Variants in LMO7 observed in about 807,000 individuals in gnomAD.
LMO7 encodes the protein LIM domain 7, also known as LIM domain only protein 7.
LMO7 carries 120 observed loss-of-function variants against 206.5 expected under a neutral mutation model. That is an observed-to-expected ratio of 0.58 (90% CI 0.50 to 0.68). LMO7 has a LOEUF of 0.68. Ranked by LOEUF, LMO7 falls within the 30% of genes least tolerant of loss-of-function variation. The pLI, the probability that LMO7 is intolerant of heterozygous loss-of-function variation, is 0.00. For missense variants in LMO7, 1,959 were observed against 1,957.9 expected (o/e 1.00, Z -0.01); for synonymous variants, 706 against 681.5 (o/e 1.04, Z -0.56).
chr13:75,804,679 C>G, intron 8 of LMO7, 138 bp downstream of exon 8: 3 of 1,171,838 alleles, frequency 2.6e-6, no homozygotes, highest in Non-Finnish European at 3.5e-6. Flanking sequence ...ATTTTTCATC[C>G]CTCTATTTTT....
At chr13:75,757,283 C>T (rs943485045) in intron 3 of LMO7, among the ~76,000 whole-genome samples, 2 of 152,156 alleles carry the variant, frequency 1.3e-5, no homozygotes, top group Non-Finnish European at 2.9e-5. Context: ...TCATGGCTGA[C>T]ATCTCAATTA....
At chr13:75,835,494 T>TA (rs1419395284) in intron 18 of LMO7, among the ~76,000 whole-genome samples, 155 bp downstream of exon 18, 1 of 152,212 alleles carries the variant, frequency 6.6e-6, no homozygotes, top group Non-Finnish European at 1.5e-5. Context: ...AGAGATACAG[T>TA]AAAATATATT....
chr13:75,667,153 C>A (rs1183683782), intron 1 of LMO7, among the ~76,000 whole-genome samples: 2 of 152,038 alleles, frequency 1.3e-5, no homozygotes, highest in African/African-American at 2.4e-5. Context: ...TCAATGTACT[C>A]TGGTATGTAA....
chr13:75,808,535 AG>A (rs1403619982), intron 10 of LMO7, among the ~76,000 whole-genome samples: 1 of 152,040 alleles, frequency 6.6e-6, no homozygotes, highest in Non-Finnish European at 1.5e-5. Flanking sequence ...GTCTGGTTAT[AG>A]TTTGGTTTTA....
intron 1 of LMO7, among the ~76,000 whole-genome samples, chr13:75,687,237 G>T (rs939654123): frequency 1.3e-5 from 2 of 152,166 alleles, no homozygotes; most frequent in African/African-American, 4.8e-5. Context: ...GACTGTATTA[G>T]TGTCAGTTTT....
At chr13:75,715,244 G>T (rs899878201) in intron 2 of LMO7, among the ~76,000 whole-genome samples, 1 of 152,190 alleles carries the variant, frequency 6.6e-6, no homozygotes, top group Admixed American at 6.5e-5. Context: ...AGCCTGAAAA[G>T]ATCTGCATAG....
At chr13:75,836,491 A>G (rs1270997383) in intron 19 of LMO7, 34 bp downstream of exon 19, 3 of 1,066,136 alleles carry the variant, frequency 2.8e-6, no homozygotes, top group Non-Finnish European at 4.1e-6. Context: ...CATTTATAAT[A>G]CAGGAAAAGA....
intron 1 of LMO7, among the ~76,000 whole-genome samples, chr13:75,673,434 T>C (rs547847524): frequency 6.6e-6 from 1 of 152,300 alleles, no homozygotes; most frequent in South Asian, 2.1e-4. Flanking sequence ...AGGGACAGGC[T>C]GCTGGCATAA....
chr13:75,789,327 T>C (rs2052915532), intron 4 of LMO7, among the ~76,000 whole-genome samples: 1 of 152,104 alleles, frequency 6.6e-6, no homozygotes, highest in South Asian at 2.1e-4. Context: ...AGAATTCAAC[T>C]CCTAGGAGGT....
chr13:75,648,294 G>C (rs1316101697), intron 1 of LMO7, among the ~76,000 whole-genome samples: 3 of 152,020 alleles, frequency 2.0e-5, no homozygotes, highest in African/African-American at 7.2e-5. Context: ...GAATTAAAAG[G>C]TATTATTATT....
chr13:75,747,564 G>A (rs1320270327), intron 3 of LMO7, among the ~76,000 whole-genome samples: 12 of 152,086 alleles, frequency 7.9e-5, no homozygotes, highest in African/African-American at 2.2e-4. Flanking sequence ...CTCATGAGAC[G>A]AGCATTATCA....
At chr13:75,805,850 A>G (rs2055383057) in intron 9 of LMO7, 90 bp downstream of exon 9, 2 of 1,327,386 alleles carry the variant, frequency 1.5e-6, no homozygotes, top group Non-Finnish European at 2.1e-6. Flanking sequence ...ATAATAAGAG[A>G]GACAGAGAAA....
intron 9 of LMO7, 144 bp from the exon 10 acceptor site, chr13:75,807,336 T>C: frequency 1.3e-6 from 1 of 747,906 alleles, no homozygotes; most frequent in Admixed American, 2.9e-5. Context: ...CTAGCAAGAG[T>C]CCCCACAATG....
chr13:75,743,062 T>C (rs1470583357), intron 3 of LMO7, among the ~76,000 whole-genome samples: 3 of 152,062 alleles, frequency 2.0e-5, no homozygotes, highest in Non-Finnish European at 2.9e-5. Context: ...GCAAAGGACA[T>C]GGGCAGACAC....
rs369449532 is a variant in LMO7, at chr13:75,833,137, T to C, written c.3036T>C (p.Pro1012=). 20 of 1,604,772 alleles carry C rather than the reference T, an allele frequency of 1.2e-5. No homozygotes were observed. The highest frequency in any genetic ancestry group is 1.7e-5 in the Non-Finnish European group (20 of 1,171,720). ...DFGFTIKWDI[P]GIFVASVEAG... Reference sequence around the variant, plus strand: ...GGTTTACAATAAAATGGGATATTCCTGGGATCTTCGTAGCATCAGTTGAAG... The same window carrying C: ...GGTTTACAATAAAATGGGATATTCCCGGGATCTTCGTAGCATCAGTTGAAG... Residue 1012 remains proline, a synonymous_variant, in exon 16 of 31, where the codon CCT becomes CCC. Coordinates refer to ENST00000377534, the MANE Select transcript of LMO7 (RefSeq NM_001306080.2).
intron 15 of LMO7, among the ~76,000 whole-genome samples, chr13:75,828,361 A>G (rs1012337366): frequency 1.6e-4 from 24 of 152,174 alleles, no homozygotes; most frequent in African/African-American, 5.3e-4. Flanking sequence ...CACAACTGCA[A>G]TTTATCTGAT....
At chr13:75,819,646 T>C in intron 13 of LMO7, 111 bp downstream of exon 13, 4 of 1,080,054 alleles carry the variant, frequency 3.7e-6, no homozygotes, top group Non-Finnish European at 5.0e-6. Flanking sequence ...TATTCAACTT[T>C]AGTCAAATAT....
At chr13:75,753,724 G>T (rs1397282331) in intron 3 of LMO7, among the ~76,000 whole-genome samples, 2 of 152,168 alleles carry the variant, frequency 1.3e-5, no homozygotes, top group African/African-American at 4.8e-5. Flanking sequence ...GGAGGTGTTT[G>T]CTTCCCTCTC....
intron 4 of LMO7, among the ~76,000 whole-genome samples, chr13:75,774,594 C>T (rs535354477): frequency 6.6e-6 from 1 of 152,238 alleles, no homozygotes; most frequent in African/African-American, 2.4e-5. Context: ...TTTTAGCTCA[C>T]ATTTTCCTCA....
Sources: allele counts gnomAD v4.1 joint callset (sites outside exome capture counted in the v4.1 genomes callset), GRCh38; gene constraint gnomAD v4.1.1; transcripts MANE v1.5; gene names NCBI Gene and HGNC (gene_info 2026-07-23, HGNC 2026-07-21).